The following LRRC69 variants were observed in gnomAD, a reference collection of about 807,000 sequenced individuals.
LRRC69 encodes the protein leucine-rich repeat-containing protein 69.
LRRC69 carries 42 observed loss-of-function variants against 37.8 expected under a neutral mutation model. The ratio of observed to expected loss-of-function variants is 1.11; its 90% CI spans 0.87 to 1.44. LRRC69 has a LOEUF of 1.44. Among genes scored for constraint, LRRC69 ranks in the 40% most tolerant of loss-of-function variants. The pLI, the probability that LRRC69 is intolerant of heterozygous loss-of-function variation, is 0.00. For missense variants in LRRC69, 357 were observed against 401.9 expected, an observed-to-expected ratio of 0.89 and a Z score of 0.96; for synonymous variants, 141 against 143.1, an observed-to-expected ratio of 0.99 and a Z score of 0.11.
intron 7 of LRRC69, among the ~76,000 whole-genome samples, chr8:91,211,620 T>TA (rs68057393): frequency 1.3e-3 from 168 of 129,268 alleles, no homozygotes; most frequent in African/African-American, 4.6e-3. Flanking sequence ...ATATATATTT[T>TA]TTTTTTATTT....
intron 3 of LRRC69, among the ~76,000 whole-genome samples, chr8:91,131,235 C>CTTTT (rs35337686): frequency 1.9e-4 from 26 of 140,192 alleles, no homozygotes; most frequent in Non-Finnish European, 2.9e-4. Context: ...ATTGATTTGT[C>CTTTT]TTTTTTTTTT....
chr8:91,218,825 T>G lies in LRRC69; in HGVS notation c.934-65T>G, dbSNP rs1050548835. The G allele has an allele frequency of 3.0e-6, 3 of 1,012,980 alleles. No homozygotes were observed. The African/African-American group carries it at 4.9e-5, about 17-fold the overall frequency. The allele number at this position is 1,012,980 out of a possible 1,614,324, so 62.7% of individuals were successfully genotyped here. ...TCTGAAACCTCTGAGAAAGCAAATA[T>G]TTATTTTAATGAAAAATACTTATTG... On this transcript the variant is annotated intron_variant, in intron 7 of 7. Coordinates refer to ENST00000448384, the Ensembl canonical transcript of LRRC69.
rs996962472 is a variant in LRRC69, at chr8:91,157,252, C to T, written c.651+21513C>T. 1.0e-5 allele frequency: 15 copies of T among 1,450,568 alleles called. No homozygotes were observed. The African/African-American group carries it at 1.7e-4, about 16-fold the overall frequency. The allele number at this position is 1,450,568 out of a possible 1,614,324, so 89.9% of individuals were successfully genotyped here. A position where few individuals can be genotyped will look rare whatever the true frequency, so the allele number is the denominator to read the frequency against. On this transcript the variant is annotated intron_variant, in intron 5 of 7. Transcript: ENST00000448384. The stretch of plus-strand genomic sequence containing the variant: ...ATGAATTCTGACATTAGAAAGCACA[C>T]TTCACCTCTCTAATGTGACCTTTCT...
intron 5 of LRRC69, among the ~76,000 whole-genome samples, chr8:91,149,568 G>A (rs146954518): frequency 6.6e-6 from 1 of 151,916 alleles, no homozygotes; most frequent in African/African-American, 2.4e-5. Context: ...GGCACTGTGG[G>A]CTCTTTTTTG....
In LRRC69 at chr8:91,103,182, G is replaced by T. The variant is rs141039759; in HGVS notation, c.183+338G>T. 2.8e-4 allele frequency among the ~76,000 whole-genome samples: 43 copies of T among 152,244 alleles called. No individual in the cohort carries two copies. The East Asian group carries it at 4.1e-3, about 14-fold the overall frequency. Reference sequence around the variant, plus strand: ...CGTCTATCTTGGGGGCTTACATCTGGAAGTAGTTTTGAGGATCCAGGAGAT... The same window carrying T: ...CGTCTATCTTGGGGGCTTACATCTGTAAGTAGTTTTGAGGATCCAGGAGAT... On this transcript the variant is annotated intron_variant, in intron 1 of 7. Transcript: ENST00000448384.
chr8:91,166,468 G>GA (rs1196485363), intron 5 of LRRC69, among the ~76,000 whole-genome samples: 1 of 123,626 alleles, frequency 8.1e-6, no homozygotes, highest in Non-Finnish European at 1.6e-5. Context: ...GAACAGATGG[G>GA]AAGAGGGGGT....
At chr8:91,184,935 G>A (rs533707441) in intron 5 of LRRC69, among the ~76,000 whole-genome samples, 1 of 152,312 alleles carries the variant, frequency 6.6e-6, no homozygotes, top group South Asian at 2.1e-4. Flanking sequence ...TGAAGGCAGG[G>A]TGAGGAGTGT....
intron 1 of LRRC69, among the ~76,000 whole-genome samples, chr8:91,123,373 G>A (rs1372765842): frequency 2.0e-5 from 3 of 151,980 alleles, no homozygotes; most frequent in Non-Finnish European, 4.4e-5. Flanking sequence ...GGTAGTAGAT[G>A]TATTATACTG....
chr8:91,103,432 G>A (rs1231549807), intron 1 of LRRC69, among the ~76,000 whole-genome samples: 5 of 151,940 alleles, frequency 3.3e-5, no homozygotes, highest in Non-Finnish European at 5.9e-5. Flanking sequence ...AGGAATAGTT[G>A]ACATGAATGA....
intron 5 of LRRC69, among the ~76,000 whole-genome samples, chr8:91,174,789 G>A (rs1266919132): frequency 1.3e-5 from 2 of 152,074 alleles, no homozygotes; most frequent in African/African-American, 4.8e-5. Context: ...GCTTTTCTTT[G>A]TAACTAGTGC....
intron 5 of LRRC69, among the ~76,000 whole-genome samples, chr8:91,136,226 T>C (rs925794926): frequency 2.0e-5 from 3 of 151,972 alleles, no homozygotes; most frequent in Non-Finnish European, 4.4e-5. Flanking sequence ...TCCTAACTTT[T>C]GAGAAAGAAA....
At chr8:91,203,013 A>AT (rs201686758) in intron 7 of LRRC69, among the ~76,000 whole-genome samples, 216 of 150,256 alleles carry the variant, frequency 1.4e-3, no homozygotes, top group African/African-American at 4.3e-3. Context: ...TGTAAAGCAG[A>AT]TTTTTTTTTT....
At chr8:91,197,100 G>C (rs4464929) in intron 6 of LRRC69, among the ~76,000 whole-genome samples, 65,046 of 151,112 alleles carry the variant, frequency 0.43, 16,080 homozygotes, top group South Asian at 0.6. Context: ...AGTACCCTGC[G>C]GTGTGAGGTG....
chr8:91,152,990 T>C (rs1438158216), intron 5 of LRRC69, among the ~76,000 whole-genome samples: 1 of 151,338 alleles, frequency 6.6e-6, no homozygotes, highest in Non-Finnish European at 1.5e-5. Context: ...CCATCTCATG[T>C]GCCAAGATAC....
At chr8:91,210,607 A>G (rs1037574871) in intron 7 of LRRC69, among the ~76,000 whole-genome samples, 2 of 151,062 alleles carry the variant, frequency 1.3e-5, no homozygotes, top group African/African-American at 4.9e-5. Flanking sequence ...GTTAACATCA[A>G]TCATCACTGA....
intron 5 of LRRC69, among the ~76,000 whole-genome samples, chr8:91,153,371 T>G (rs541943367): frequency 1.3e-5 from 2 of 151,236 alleles, no homozygotes; most frequent in Non-Finnish European, 3.0e-5. Flanking sequence ...ACCTGATAGA[T>G]ATCTACAAAA....
Position 91,198,088 on chromosome 8 carries a change from A to T in LRRC69, c.754-2525A>T, listed in dbSNP as rs182028037. On this transcript the variant is annotated intron_variant, in intron 6 of 7. Transcript: ENST00000448384. Reference sequence around the variant, plus strand: ...GTGTCAAAGAATTCTAGGAACTATGATATGGGTTATGCCTTGGTAAAGATT... The same window carrying T: ...GTGTCAAAGAATTCTAGGAACTATGTTATGGGTTATGCCTTGGTAAAGATT... Among the ~76,000 whole-genome samples, 6 of 152,286 alleles carry T rather than the reference A, an allele frequency of 3.9e-5. No homozygotes were observed. The East Asian group carries it at 1.2e-3, about 29-fold the overall frequency.
rs185513085 is a variant in LRRC69, at chr8:91,136,914, A to G, written c.651+1175A>G. 3.9e-4 allele frequency among the ~76,000 whole-genome samples: 59 copies of G among 152,130 alleles called. No homozygotes were observed. In the East Asian group the frequency reaches 0.011, roughly 28 times the overall value. On this transcript the variant is annotated intron_variant, in intron 5 of 7. Coordinates refer to ENST00000448384, the Ensembl canonical transcript of LRRC69. Reference sequence around the variant, plus strand: ...TCTTTCCTTTTTAAGGCTGAATAATATTCAGTTGTATGTATATACCACATT... The same window carrying G: ...TCTTTCCTTTTTAAGGCTGAATAATGTTCAGTTGTATGTATATACCACATT...
chr8:91,155,313 T>C (rs999645595), intron 5 of LRRC69, among the ~76,000 whole-genome samples: 1 of 151,030 alleles, frequency 6.6e-6, no homozygotes, highest in African/African-American at 2.4e-5. Context: ...AACTTTCTAT[T>C]ACATACCTCC....
Sources: gnomAD v4.1 joint callset for allele counts (sites outside exome capture counted in the v4.1 genomes callset) on GRCh38, gnomAD v4.1.1 for gene constraint, MANE v1.5 for transcripts, NCBI Gene and HGNC (gene_info 2026-07-23, HGNC 2026-07-21) for gene names.